Variants in ATR observed in about 807,000 individuals in gnomAD.
The protein encoded by ATR is ATR checkpoint kinase, also known as serine/threonine-protein kinase ATR.
Under a neutral mutation model 305.3 loss-of-function variants are expected in ATR, and 142 were observed. The observed-to-expected ratio is 0.47, with a 90% CI of 0.41 to 0.53. The LOEUF (loss-of-function observed/expected upper bound fraction) is 0.53. Ranked by LOEUF, ATR falls within the 20% of genes least tolerant of loss-of-function variation. The pLI, the probability that ATR is intolerant of heterozygous loss-of-function variation, is 0.00. For missense variants in ATR, 2,135 were observed against 3,133.1 expected, an observed-to-expected ratio of 0.68 and a Z score of 7.60; for synonymous variants, 1,050 against 1,068.1, an observed-to-expected ratio of 0.98 and a Z score of 0.33.
rs921923308 is a variant in ATR, at chr3:142,491,796, T to A, written c.6078+1336A>T. On this transcript the variant is annotated intron_variant, in intron 35 of 46. Coordinates refer to ENST00000350721, the MANE Select transcript of ATR (RefSeq NM_001184.4). ...CTGTCTGTGCCATTTGCTTTGGCTG[T>A]TGGTCCCATTTAGGTCTTTCTTGTA... Among the ~76,000 whole-genome samples the A allele has an allele frequency of 2.0e-5, 3 of 152,354 alleles. No homozygotes were observed. In the South Asian group the frequency reaches 6.2e-4, roughly 32 times the overall value.
Position 142,498,768 on chromosome 3 carries a change from T to C in ATR, c.5387A>G (p.Lys1796Arg), listed in dbSNP as rs1322553029. The change falls in exon 32 of 47, where the codon AAA becomes AGA. Residue 1796 changes from lysine to arginine, a missense_variant. Lys to Arg is a conservative substitution (Grantham distance 26, BLOSUM62 2). Transcript: ENST00000350721. ...LVENYLAADG[K>R]STTWSVRLGQ... ...CAGTCTGACACTCCATGTTGTAGAT[T>C]TTCCATCTGAAAAACAAATGAAGAG... 1.2e-6 allele frequency: 2 copies of C among 1,613,972 alleles called. No individual in the cohort carries two copies. Among genetic ancestry groups the C allele is most frequent in the African/African-American group, 1.3e-5 (1 of 74,936 alleles).
intron 12 of ATR, 35 bp from the exon 13 acceptor site, chr3:142,553,433 AACACACACAC>A (rs56873611): frequency 7.1e-6 from 10 of 1,404,610 alleles, no homozygotes; most frequent in Non-Finnish European, 9.0e-6. Context: ...TGAATACACA[AACACACACAC>A]ACACACACAC....
In ATR at chr3:142,562,986, G is replaced by C. The variant is rs2034939608; in HGVS notation, c.416C>G (p.Pro139Arg). 1 of 1,601,996 alleles carries C rather than the reference G, an allele frequency of 6.2e-7. No homozygotes were observed. Among genetic ancestry groups the C allele is most frequent in the Non-Finnish European group, 8.5e-7 (1 of 1,177,026 alleles). Residue 139 changes from proline (P) to arginine (R), a missense_variant, in exon 4 of 47, where the codon CCT (proline) becomes CGT (arginine). Transcript: ENST00000350721. ...SLLFLFKSKS[P>R]AIFGVLTKEL... ...TTTTGTGAGTACCCCAAAAATAGCA[G>C]GACTCTTGCTTTTAAAAAGAAATAA...
intron 43 of ATR, 46 bp from the exon 44 acceptor site, chr3:142,459,157 C>T (rs1378586756): frequency 9.9e-6 from 16 of 1,612,352 alleles, no homozygotes; most frequent in Non-Finnish European, 1.4e-5. Context: ...ACATATGAGG[C>T]CAATATAAAT....
At chr3:142,536,037 T>C (rs1052057042) in intron 20 of ATR, 71 bp downstream of exon 20, 1 of 1,076,306 alleles carries the variant, frequency 9.3e-7, no homozygotes, top group Non-Finnish European at 1.4e-6. Context: ...AGGATCTTTA[T>C]TTCATGTATT....
chr3:142,452,692 C>A, intron 46 of ATR: 1 of 1,046,170 alleles, frequency 9.6e-7, no homozygotes, highest in Non-Finnish European at 1.2e-6. Flanking sequence ...CAACCACCAC[C>A]ACCACCACAA....
At chr3:142,504,024 C>T (rs2032111368) in intron 29 of ATR, among the ~76,000 whole-genome samples, 1 of 152,032 alleles carries the variant, frequency 6.6e-6, no homozygotes, top group African/African-American at 2.4e-5. Context: ...ATGTACTATC[C>T]TTTAAAATGA....
chr3:142,470,747 A>G (rs183285588), intron 36 of ATR, among the ~76,000 whole-genome samples: 87 of 152,242 alleles, frequency 5.7e-4, no homozygotes, highest in African/African-American at 1.9e-3. Context: ...TAATTTTCCA[A>G]TCTTAGCATC....
At chr3:142,572,299 G>A (rs1011083194) in intron 1 of ATR, among the ~76,000 whole-genome samples, 15 of 142,536 alleles carry the variant, frequency 1.1e-4, no homozygotes, top group African/African-American at 3.7e-4. Flanking sequence ...TCGATTTACT[G>A]ACCTCATGAT....
chr3:142,511,867 A>C (rs1292710108), intron 27 of ATR, among the ~76,000 whole-genome samples: 1 of 152,140 alleles, frequency 6.6e-6, no homozygotes, highest in African/African-American at 2.4e-5. Context: ...TAATCCCAGC[A>C]CTTTGGGAGG....
At chr3:142,507,522 T>C (rs975969666) in intron 28 of ATR, among the ~76,000 whole-genome samples, 2 of 152,168 alleles carry the variant, frequency 1.3e-5, no homozygotes, top group African/African-American at 4.8e-5. Context: ...ACTTAAAAAG[T>C]CTTCTATTAT....
chr3:142,541,925 G>A (rs538821964), intron 17 of ATR, among the ~76,000 whole-genome samples: 11 of 151,836 alleles, frequency 7.2e-5, no homozygotes, highest in Non-Finnish European at 1.5e-4. Context: ...GCTTCCATTC[G>A]TAGGTGTTTT....
chr3:142,577,959 G>T (rs936542735), intron 1 of ATR, among the ~76,000 whole-genome samples: 1 of 152,154 alleles, frequency 6.6e-6, no homozygotes, highest in South Asian at 2.1e-4. Context: ...ATTTGCAAAT[G>T]AAATATTAAA....
chr3:142,462,339 G>T (rs1025792010), intron 41 of ATR, among the ~76,000 whole-genome samples: 9 of 152,044 alleles, frequency 5.9e-5, no homozygotes, highest in Non-Finnish European at 1.3e-4. Context: ...CTATTAATGT[G>T]ACAAGAATAT....
chr3:142,451,383 G>T lies in ATR; in HGVS notation c.7761+1745C>A, dbSNP rs1035886325. Reference sequence around the variant, plus strand: ...AGGTGTGTTTTACATACATAACATGGGTATTGTAAACAGAGATCTGAAGCC... The same window carrying T: ...AGGTGTGTTTTACATACATAACATGTGTATTGTAAACAGAGATCTGAAGCC... On this transcript the variant is annotated intron_variant, in intron 46 of 46. Transcript: ENST00000350721. 106 of 1,421,656 alleles carry T rather than the reference G, an allele frequency of 7.5e-5. No homozygotes were observed. The African/African-American group carries it at 1.5e-3, about 20-fold the overall frequency. The allele number at this position is 1,421,656 out of a possible 1,614,324, so 88.1% of individuals were successfully genotyped here. A position where few individuals can be genotyped will look rare whatever the true frequency, so the allele number is the denominator to read the frequency against.
chr3:142,561,082 C>G (rs1404016225), intron 5 of ATR, among the ~76,000 whole-genome samples, 161 bp downstream of exon 5: 2 of 152,082 alleles, frequency 1.3e-5, no homozygotes, highest in Admixed American at 6.5e-5. Context: ...TACTACTAAC[C>G]GTCTACAATA....
intron 29 of ATR, 93 bp from the exon 30 acceptor site, chr3:142,503,546 T>C (rs1255430580): frequency 1.5e-6 from 1 of 646,920 alleles, no homozygotes; most frequent in East Asian, 3.1e-5. Context: ...TAAAAATTAC[T>C]ATTTACCTTA....
intron 35 of ATR, among the ~76,000 whole-genome samples, chr3:142,489,434 A>G (rs556183898): frequency 2.6e-4 from 40 of 152,308 alleles, no homozygotes; most frequent in African/African-American, 9.4e-4. Flanking sequence ...CTAACTCTCG[A>G]AAGTTCTTAT....
At position 142,556,466 on chromosome 3, in the gene ATR, T is replaced by C; in HGVS notation, c.1995A>G (p.Glu665=). The C allele has an allele frequency of 6.2e-7, 1 of 1,614,142 alleles. No individual in the cohort carries two copies. Among genetic ancestry groups the C allele is most frequent in the Non-Finnish European group, 8.5e-7 (1 of 1,179,986 alleles). ...VYNWALQSSH[E]VIRASCVSGF... Reference sequence around the variant, plus strand: ...CACTAACACAACTAGCCCGGATTACTTCATGGGAGCTCTGCAGGGCCCAGT... The same window carrying C: ...CACTAACACAACTAGCCCGGATTACCTCATGGGAGCTCTGCAGGGCCCAGT... The change falls in exon 9 of 47, where the codon GAA becomes GAG. Residue 665 remains glutamate, a synonymous_variant. Transcript: ENST00000350721.
Sources: gnomAD v4.1 joint callset for allele counts (sites outside exome capture counted in the v4.1 genomes callset) on GRCh38, gnomAD v4.1.1 for gene constraint, MANE v1.5 for transcripts, NCBI Gene and HGNC (gene_info 2026-07-23, HGNC 2026-07-21) for gene names.